Variants in FBLN2 observed in about 807,000 individuals in gnomAD.
FBLN2 encodes the protein fibulin-2.
Under a neutral mutation model 123.7 loss-of-function variants are expected in FBLN2, and 81 were observed. The ratio of observed to expected loss-of-function variants is 0.65; its 90% CI spans 0.55 to 0.79. The LOEUF (loss-of-function observed/expected upper bound fraction) is 0.79, where lower values mean the gene tolerates loss of function less well. Among genes scored for constraint, FBLN2 ranks in the 30% least tolerant of loss-of-function variants. The pLI, the probability that FBLN2 is intolerant of heterozygous loss-of-function variation, is 0.00. For missense variants in FBLN2, 1,603 were observed against 1,681.3 expected, an observed-to-expected ratio of 0.95 and a Z score of 0.81; for synonymous variants, 699 against 701.4, an observed-to-expected ratio of 1.00 and a Z score of 0.05.
In FBLN2 at chr3:13,636,251, T is replaced by A. The variant is rs3816411; in HGVS notation, c.3215-194T>A. On this transcript the variant is annotated intron_variant, in intron 16 of 17. Transcript: ENST00000404922. ...CTTGGGAGGGCATGACATGAGGTGA[T>A]TGACACTTTAGAGCCAGGCCCCCTG... 1.7e-4 allele frequency among the ~76,000 whole-genome samples: 26 copies of A among 152,142 alleles called. No individual in the cohort carries two copies. In the East Asian group the frequency reaches 4.5e-3, roughly 26 times the overall value.
intron 4 of FBLN2, among the ~76,000 whole-genome samples, chr3:13,612,087 T>C (rs905544227): frequency 3.3e-5 from 5 of 152,086 alleles, no homozygotes; most frequent in African/African-American, 9.7e-5. Flanking sequence ...CGCTGGATGG[T>C]TCTGGCATTT....
At chr3:13,624,849 C>T (rs1257324021) in intron 9 of FBLN2, among the ~76,000 whole-genome samples, 3 of 152,288 alleles carry the variant, frequency 2.0e-5, no homozygotes, top group African/African-American at 7.2e-5. Context: ...ACCGCCGCCA[C>T]AAGGTGCAGC....
rs181625046 is a variant in FBLN2, at chr3:13,575,995, C to T, written c.1306+4334C>T. On this transcript the variant is annotated intron_variant, in intron 2 of 17. Transcript: ENST00000404922. Reference sequence around the variant, plus strand: ...TATCACAGAAACAAGAGCCGGGCACCCAGGAGGTGCTCGGCAAGGGCGAGT... The same window carrying T: ...TATCACAGAAACAAGAGCCGGGCACTCAGGAGGTGCTCGGCAAGGGCGAGT... 6.6e-4 allele frequency among the ~76,000 whole-genome samples: 101 copies of T among 152,302 alleles called. 1 individual carries two copies. In the East Asian group the frequency reaches 0.018, roughly 27 times the overall value.
chr3:13,612,046 G>T (rs1458735091), intron 4 of FBLN2, among the ~76,000 whole-genome samples: 2 of 152,190 alleles, frequency 1.3e-5, no homozygotes, highest in African/African-American at 4.8e-5. Context: ...AGAAGCCCAA[G>T]GTCTCAAGCC....
chr3:13,621,069 C>CCT (rs1705834211), intron 8 of FBLN2, among the ~76,000 whole-genome samples: 1 of 152,204 alleles, frequency 6.6e-6, no homozygotes, highest in Admixed American at 6.5e-5. Flanking sequence ...CTGTGAGGCC[C>CCT]CTCTGCCTGT....
At chr3:13,602,861 A>T (rs915434162) in intron 2 of FBLN2, among the ~76,000 whole-genome samples, 1 of 151,108 alleles carries the variant, frequency 6.6e-6, no homozygotes, top group Admixed American at 6.6e-5. Flanking sequence ...GCCAATAACG[A>T]CTGTTGTTTC....
chr3:13,596,099 A>T (rs1449905821), intron 2 of FBLN2, among the ~76,000 whole-genome samples: 1 of 152,224 alleles, frequency 6.6e-6, no homozygotes, highest in African/African-American at 2.4e-5. Flanking sequence ...TGCAGATCTA[A>T]CGCTTTTTAA....
intron 1 of FBLN2, among the ~76,000 whole-genome samples, chr3:13,569,554 G>A (rs1284166089): frequency 1.3e-5 from 2 of 151,966 alleles, no homozygotes; most frequent in African/African-American, 4.8e-5. Context: ...ACATGACTGG[G>A]GGAGTTGGTG....
intron 1 of FBLN2, among the ~76,000 whole-genome samples, chr3:13,560,977 C>A (rs4684956): frequency 0.84 from 128,068 of 151,826 alleles, 54,194 homozygotes; most frequent in East Asian, 1. Context: ...GGGAAAAAAA[C>A]ACAAACATAC....
intron 5 of FBLN2, among the ~76,000 whole-genome samples, chr3:13,615,147 C>T (rs761268809): frequency 1.3e-5 from 2 of 152,356 alleles, no homozygotes; most frequent in South Asian, 4.1e-4. Context: ...GACCCATGAC[C>T]ATTAGCCTCC....
intron 5 of FBLN2, among the ~76,000 whole-genome samples, chr3:13,616,088 G>A (rs1202009013): frequency 6.6e-6 from 1 of 152,152 alleles, no homozygotes; most frequent in African/African-American, 2.4e-5. Flanking sequence ...GTTGGACCAG[G>A]CCAGACCTGG....
chr3:13,632,843 TA>T (rs367943653), intron 16 of FBLN2, among the ~76,000 whole-genome samples: 38 of 147,030 alleles, frequency 2.6e-4, no homozygotes, highest in East Asian at 4.0e-4. Flanking sequence ...TCTTGTTAAT[TA>T]AAAAAAAAAA....
intron 1 of FBLN2, among the ~76,000 whole-genome samples, chr3:13,556,086 C>T (rs2125032146): frequency 6.6e-6 from 1 of 152,330 alleles, no homozygotes; most frequent in Middle Eastern, 3.4e-3. Flanking sequence ...AAGTGTCTGG[C>T]TCTCAGGGAG....
In FBLN2 at chr3:13,630,396, C is replaced by T. The variant is rs547308822; in HGVS notation, c.2969-303C>T. Among the ~76,000 whole-genome samples, 146 of 152,312 alleles carry T rather than the reference C, an allele frequency of 9.6e-4. 2 individuals are homozygous for T. Among genetic ancestry groups the T allele is most frequent in the South Asian group, 6.4e-3 (31 of 4,826 alleles). On this transcript the variant is annotated intron_variant, in intron 14 of 17. Coordinates refer to ENST00000404922, the MANE Select transcript of FBLN2 (RefSeq NM_001004019.2). ...GCCACCAGGCTGCTCAGTGAGGGGG[C>T]GAGGGGCCAAGCCAGAAGGCCATGG... is the stretch of plus-strand genomic sequence containing the variant.
At chr3:13,563,031 G>A (rs545493185) in intron 1 of FBLN2, among the ~76,000 whole-genome samples, 1 of 152,216 alleles carries the variant, frequency 6.6e-6, no homozygotes, top group African/African-American at 2.4e-5. Context: ...TCCATTGATG[G>A]TCACTTGGCT....
intron 11 of FBLN2, among the ~76,000 whole-genome samples, chr3:13,628,561 G>T (rs988282647): frequency 1.3e-5 from 2 of 152,216 alleles, no homozygotes; most frequent in African/African-American, 2.4e-5. Flanking sequence ...CTTAGTCTCT[G>T]TGCCTCTAAA....
At chr3:13,558,346 C>T (rs1703515084) in intron 1 of FBLN2, among the ~76,000 whole-genome samples, 1 of 152,094 alleles carries the variant, frequency 6.6e-6, no homozygotes, top group African/African-American at 2.4e-5. Flanking sequence ...CTGTGTCTCT[C>T]TCTGCCTGTC....
Position 13,619,791 on chromosome 3 carries a change from T to G in FBLN2, c.2115T>G (p.Phe705Leu). Residue 705 changes from phenylalanine to leucine, a missense_variant, in exon 8 of 18, where the codon TTT (phenylalanine) becomes TTG (leucine). Transcript: ENST00000404922. ...GGGGCTCAGCCATATGCTCCTGTTTTCCCGGCTATGCCATCATGGCGGATG... is the reference window on the plus strand; with the variant it reads ...GGGGCTCAGCCATATGCTCCTGTTTGCCCGGCTATGCCATCATGGCGGATG... ...TVGGSAICSC[F>L]PGYAIMADGV... 6.2e-7 allele frequency: 1 copy of G among 1,612,962 alleles called. No homozygotes were observed. The highest frequency in any genetic ancestry group is 1.7e-4 in the Middle Eastern group (1 of 6,058).
intron 2 of FBLN2, among the ~76,000 whole-genome samples, chr3:13,594,754 G>A (rs1165039119): frequency 2.6e-5 from 4 of 152,134 alleles, no homozygotes; most frequent in Admixed American, 1.3e-4. Flanking sequence ...ACACTCAGCT[G>A]GGGACACAGA....
Sources: allele counts gnomAD v4.1 joint callset (sites outside exome capture counted in the v4.1 genomes callset), GRCh38; gene constraint gnomAD v4.1.1; transcripts MANE v1.5; gene names NCBI Gene and HGNC (gene_info 2026-07-23, HGNC 2026-07-21).